Variants in SPAG16 observed in about 807,000 individuals in gnomAD.
SPAG16 encodes sperm-associated antigen 16 protein.
In SPAG16, 86 loss-of-function variants were observed where a neutral mutation model predicts 80.4. The ratio of observed to expected loss-of-function variants is 1.07; its 90% CI spans 0.90 to 1.28. SPAG16 has a LOEUF of 1.28. SPAG16 is among the 50% of genes most tolerant of loss of function. SPAG16 has a pLI of 0.00. For synonymous variants in SPAG16, 294 were observed against 265.9 expected (o/e 1.11, Z -1.03); for missense variants, 870 against 765.3 (o/e 1.14, Z -1.61).
chr2:213,679,507 A>G (rs2064271847), intron 10 of SPAG16, among the ~76,000 whole-genome samples: 1 of 151,728 alleles, frequency 6.6e-6, no homozygotes, highest in South Asian at 2.1e-4. Context: ...TTTCACACTT[A>G]CCAGATGCCT....
At chr2:214,341,383 C>G (rs896289827) in intron 15 of SPAG16, among the ~76,000 whole-genome samples, 1 of 152,052 alleles carries the variant, frequency 6.6e-6, no homozygotes, top group African/African-American at 2.4e-5. Context: ...TTGAAATACC[C>G]AAGCCTTTAG....
chr2:214,306,191 G>T, intron 15 of SPAG16, among the ~76,000 whole-genome samples: 1 of 152,228 alleles, frequency 6.6e-6, no homozygotes, highest in South Asian at 2.1e-4. Flanking sequence ...TGTTGTTGGT[G>T]TATTGGAATG....
intron 5 of SPAG16, among the ~76,000 whole-genome samples, chr2:213,324,164 T>C (rs892034035): frequency 6.6e-6 from 1 of 152,160 alleles, no homozygotes; most frequent in Admixed American, 6.5e-5. Flanking sequence ...CAGTATAGAC[T>C]AATGAACCTC....
chr2:214,333,357 G>A (rs1010811405), intron 15 of SPAG16, among the ~76,000 whole-genome samples: 7 of 152,122 alleles, frequency 4.6e-5, no homozygotes, highest in African/African-American at 1.7e-4. Context: ...TTAATGTTCT[G>A]CATGTCATGC....
At chr2:213,852,233 C>T (rs376887365) in intron 10 of SPAG16, among the ~76,000 whole-genome samples, 41 of 152,234 alleles carry the variant, frequency 2.7e-4, no homozygotes, top group East Asian at 5.8e-4. Context: ...GATGAGGAGC[C>T]GTAGTTTAAA....
intron 15 of SPAG16, among the ~76,000 whole-genome samples, chr2:214,328,038 G>A (rs1439949740): frequency 6.6e-6 from 1 of 152,026 alleles, no homozygotes; most frequent in Non-Finnish European, 1.5e-5. Context: ...ATAGGATCCA[G>A]TTTATAAATA....
intron 13 of SPAG16, among the ~76,000 whole-genome samples, chr2:214,030,879 A>C (rs1465438227): frequency 6.6e-6 from 1 of 152,200 alleles, no homozygotes; most frequent in East Asian, 1.9e-4. Flanking sequence ...CTCAAGTTTG[A>C]GGAAGTTAAT....
intron 10 of SPAG16, among the ~76,000 whole-genome samples, chr2:213,588,759 G>A (rs1377174136): frequency 1.7e-5 from 2 of 121,092 alleles, no homozygotes; most frequent in Admixed American, 1.1e-4. Context: ...CCGAGATTGC[G>A]CCACTGCAGT....
intron 11 of SPAG16, among the ~76,000 whole-genome samples, chr2:213,926,533 A>G (rs1039157518): frequency 6.6e-6 from 1 of 151,870 alleles, no homozygotes; most frequent in Admixed American, 6.6e-5. Context: ...CAATTCATTT[A>G]CTCTGAATTT....
At chr2:213,590,362 C>T (rs935866632) in intron 10 of SPAG16, among the ~76,000 whole-genome samples, 4 of 151,782 alleles carry the variant, frequency 2.6e-5, no homozygotes, top group Non-Finnish European at 5.9e-5. Flanking sequence ...TCCATTCACC[C>T]TCCCCATTTT....
At chr2:214,072,094 C>A (rs1057055477) in intron 13 of SPAG16, among the ~76,000 whole-genome samples, 1 of 151,956 alleles carries the variant, frequency 6.6e-6, no homozygotes, top group Non-Finnish European at 1.5e-5. Context: ...TTTCTTGCTG[C>A]ACTTTTCTAA....
At chr2:213,932,147 C>CAT (rs61264162) in intron 12 of SPAG16, among the ~76,000 whole-genome samples, 209 of 30,222 alleles carry the variant, frequency 6.9e-3, no homozygotes, top group Non-Finnish European at 0.01. Flanking sequence ...CTTGATACTG[C>CAT]ATATATATAT....
intron 9 of SPAG16, among the ~76,000 whole-genome samples, chr2:213,455,744 G>C (rs772445783): frequency 6.6e-6 from 1 of 152,100 alleles, no homozygotes; most frequent in Non-Finnish European, 1.5e-5. Context: ...CTGCTAATTT[G>C]ACAGGAGTCA....
At chr2:214,162,050 G>A (rs1464167488) in intron 15 of SPAG16, among the ~76,000 whole-genome samples, 1 of 151,916 alleles carries the variant, frequency 6.6e-6, no homozygotes, top group Non-Finnish European at 1.5e-5. Context: ...GAGGTGCAAG[G>A]GAGTGTTATC....
At chr2:213,786,410 AT>A (rs1228512745) in intron 10 of SPAG16, among the ~76,000 whole-genome samples, 4 of 152,240 alleles carry the variant, frequency 2.6e-5, no homozygotes, top group South Asian at 2.1e-4. Context: ...AAAGAAAAAA[AT>A]GGTACATTAT....
chr2:213,878,025 C>G (rs1385371257), intron 11 of SPAG16, among the ~76,000 whole-genome samples: 3 of 152,198 alleles, frequency 2.0e-5, no homozygotes, highest in African/African-American at 7.2e-5. Context: ...CTCTCCAACA[C>G]AAGCACTTTG....
intron 10 of SPAG16, among the ~76,000 whole-genome samples, chr2:213,537,068 A>T (rs1480704197): frequency 5.3e-5 from 8 of 151,100 alleles, no homozygotes; most frequent in Admixed American, 5.3e-4. Context: ...AACAACAAAA[A>T]ATCAAACACC....
At chr2:214,300,915 T>G (rs1371028412) in intron 15 of SPAG16, among the ~76,000 whole-genome samples, 1 of 151,386 alleles carries the variant, frequency 6.6e-6, no homozygotes, top group African/African-American at 2.4e-5. Flanking sequence ...TTAAAAAAAA[T>G]TATTACTCTA....
intron 10 of SPAG16, among the ~76,000 whole-genome samples, chr2:213,757,022 T>C (rs1002824925): frequency 6.6e-6 from 1 of 152,192 alleles, no homozygotes. Flanking sequence ...AATTAATAAA[T>C]GTATTCAGCA....
Sources: allele counts gnomAD v4.1 joint callset (sites outside exome capture counted in the v4.1 genomes callset), GRCh38; gene constraint gnomAD v4.1.1; transcripts MANE v1.5; gene names NCBI Gene and HGNC (gene_info 2026-07-23, HGNC 2026-07-21).